LRRC7: variants seen among roughly 807,000 people sequenced by gnomAD.
LRRC7 encodes leucine rich repeat containing 7, also known as leucine-rich repeat-containing protein 7.
In LRRC7, 23 loss-of-function variants were observed where a neutral mutation model predicts 175.7. That is an observed-to-expected ratio of 0.13 (90% CI 0.09 to 0.19). The LOEUF is 0.19. Ranked by LOEUF, LRRC7 falls within the 10% of genes least tolerant of loss-of-function variation. The pLI, the probability that LRRC7 is intolerant of heterozygous loss-of-function variation, is 1.00. For synonymous variants in LRRC7, 685 were observed against 680.9 expected, an observed-to-expected ratio of 1.01 and a Z score of -0.09; for missense variants, 1,354 against 1,904.7, an observed-to-expected ratio of 0.71 and a Z score of 5.38.
intron 7 of LRRC7, among the ~76,000 whole-genome samples, chr1:69,920,643 C>A (rs1646862643): frequency 6.6e-6 from 1 of 152,118 alleles, no homozygotes; most frequent in Non-Finnish European, 1.5e-5. Flanking sequence ...CCTGGGACAT[C>A]AGTGAGAACT....
intron 1 of LRRC7, among the ~76,000 whole-genome samples, chr1:69,604,902 C>T (rs909078778): frequency 6.6e-6 from 1 of 152,108 alleles, no homozygotes. Flanking sequence ...ACTTCATGCA[C>T]GTGTAACAAA....
chr1:70,039,814 T>C, intron 21 of LRRC7, 21 bp downstream of exon 21: 1 of 1,547,604 alleles, frequency 6.5e-7, no homozygotes, highest in Non-Finnish European at 8.7e-7. Flanking sequence ...TGTTTCTCTG[T>C]AAGAATATCC....
At chr1:69,598,401 A>G (rs1322284722) in intron 1 of LRRC7, among the ~76,000 whole-genome samples, 1 of 152,094 alleles carries the variant, frequency 6.6e-6, no homozygotes, top group Non-Finnish European at 1.5e-5. Context: ...CTATCTAGAG[A>G]GAGATTTATT....
chr1:69,754,938 G>T (rs752980948), intron 2 of LRRC7, among the ~76,000 whole-genome samples: 1 of 151,938 alleles, frequency 6.6e-6, no homozygotes, highest in Non-Finnish European at 1.5e-5. Flanking sequence ...GAAAAAAAGG[G>T]TACAATTAGA....
chr1:70,016,421 T>A, intron 13 of LRRC7, 44 bp from the exon 14 acceptor site: 1 of 1,339,052 alleles, frequency 7.5e-7, no homozygotes, highest in African/African-American at 1.5e-5. Flanking sequence ...AATGAACTAT[T>A]ATCCATCTTT....
At chr1:69,589,961 C>T (rs1194869666) in intron 1 of LRRC7, among the ~76,000 whole-genome samples, 1 of 152,130 alleles carries the variant, frequency 6.6e-6, no homozygotes, top group African/African-American at 2.4e-5. Context: ...ACATTAAACA[C>T]TCTATTTTGA....
In LRRC7 at chr1:70,135,779, T is replaced by C. The variant is rs577202165; in HGVS notation, c.*13892T>C. Among the ~76,000 whole-genome samples the C allele has an allele frequency of 6.6e-6, 1 of 152,348 alleles. No individual in the cohort carries two copies. Among genetic ancestry groups the C allele is most frequent in the African/African-American group, 2.4e-5 (1 of 41,580 alleles). ...CTATTCTTGCCCTGTAATATTTGTC[T>C]ATACTGTCTTGATTGTTTTAAACCA... On this transcript the variant is annotated 3_prime_UTR_variant, in exon 27 of 27. Transcript: ENST00000651989.
intron 2 of LRRC7, among the ~76,000 whole-genome samples, chr1:69,752,121 G>C (rs899580067): frequency 4.6e-5 from 7 of 152,112 alleles, no homozygotes; most frequent in African/African-American, 1.7e-4. Flanking sequence ...CCCCTTTGGA[G>C]TACCAGAATC....
chr1:69,936,397 C>G (rs1648028552), intron 8 of LRRC7, among the ~76,000 whole-genome samples: 2 of 152,238 alleles, frequency 1.3e-5, no homozygotes, highest in South Asian at 4.1e-4. Context: ...TGACATACAT[C>G]TTCATTTATT....
intron 1 of LRRC7, among the ~76,000 whole-genome samples, chr1:69,577,600 C>A (rs1646007891): frequency 1.3e-5 from 2 of 152,096 alleles, no homozygotes; most frequent in Non-Finnish European, 2.9e-5. Context: ...CTACATATGG[C>A]TAGCCAGTTT....
chr1:69,815,763 T>C (rs1678511719), intron 4 of LRRC7, among the ~76,000 whole-genome samples: 1 of 152,124 alleles, frequency 6.6e-6, no homozygotes, highest in African/African-American at 2.4e-5. Context: ...CTCACAGTTC[T>C]GGAGGCTGGG....
At chr1:69,589,600 G>A (rs1291847215) in intron 1 of LRRC7, among the ~76,000 whole-genome samples, 3 of 152,138 alleles carry the variant, frequency 2.0e-5, no homozygotes, top group Non-Finnish European at 2.9e-5. Context: ...TTTGGGAAGA[G>A]AAGCACAAAC....
At position 70,142,214 on chromosome 1, in the gene LRRC7, C is replaced by CTCT. The variant is rs1374293987; in HGVS notation, c.*20329_*20331dup. ...ACTTGTAGTCTTTCCACTCAGAGGA[C>CTCT]TCTTATTTGGCTTGAATGTGGAAAA... is the stretch of plus-strand genomic sequence containing the variant. On this transcript the variant is annotated 3_prime_UTR_variant, in exon 27 of 27. Coordinates refer to ENST00000651989, the MANE Select transcript of LRRC7 (RefSeq NM_001370785.2). The CTCT allele has an allele frequency of 6.6e-6, 1 of 152,052 alleles. No homozygotes were observed. The highest frequency in any genetic ancestry group is 1.9e-4 in the East Asian group (1 of 5,196). 9.4% of individuals were successfully genotyped at this position (152,052 alleles called of 1,614,324 possible). A position where few individuals can be genotyped will look rare whatever the true frequency, so the allele number is the denominator to read the frequency against.
chr1:70,136,057 G>C lies in LRRC7; in HGVS notation c.*14170G>C, dbSNP rs1311362199. On this transcript the variant is annotated 3_prime_UTR_variant, in exon 27 of 27. Coordinates refer to ENST00000651989, the MANE Select transcript of LRRC7 (RefSeq NM_001370785.2). ...GGAATTAATATCTCTCTCTCTCTGT[G>C]TGTGTCTGTGTGTGTGTCTGTGTGT... Among the ~76,000 whole-genome samples, 3 of 90,026 alleles carry C rather than the reference G, an allele frequency of 3.3e-5. No individual in the cohort carries two copies. Among genetic ancestry groups the C allele is most frequent in the South Asian group, 9.9e-4 (2 of 2,014 alleles). The allele number at this position is 90,026 out of a possible 152,430, so 59.1% of individuals were successfully genotyped here. A position where few individuals can be genotyped will look rare whatever the true frequency, so the allele number is the denominator to read the frequency against.
rs1005137587 is a variant in LRRC7, at chr1:70,140,969, T to C, written c.*19082T>C. Among the ~76,000 whole-genome samples, 1 of 152,030 alleles carries C rather than the reference T, an allele frequency of 6.6e-6. No homozygotes were observed. Among genetic ancestry groups the C allele is most frequent in the Non-Finnish European group, 1.5e-5 (1 of 67,966 alleles). On this transcript the variant is annotated 3_prime_UTR_variant, in exon 27 of 27. Transcript: ENST00000651989. Reference sequence around the variant, plus strand: ...AACTTTCCTCAGTTCGCAACTGAGGTGTAGCCCAGGGAATAAGTATGTCCT... The same window carrying C: ...AACTTTCCTCAGTTCGCAACTGAGGCGTAGCCCAGGGAATAAGTATGTCCT...
intron 4 of LRRC7, among the ~76,000 whole-genome samples, chr1:69,812,230 T>A (rs956972389): frequency 2.0e-4 from 31 of 152,154 alleles, no homozygotes; most frequent in Admixed American, 1.6e-3. Context: ...TCGCCAGTCT[T>A]GTGTAGCTAA....
At chr1:69,875,209 C>G (rs1456526294) in intron 7 of LRRC7, among the ~76,000 whole-genome samples, 1 of 151,918 alleles carries the variant, frequency 6.6e-6, no homozygotes, top group Non-Finnish European at 1.5e-5. Context: ...TTATGATGTT[C>G]TAAGGAAGAA....
At chr1:69,730,852 A>G (rs893738671) in intron 2 of LRRC7, among the ~76,000 whole-genome samples, 3 of 152,160 alleles carry the variant, frequency 2.0e-5, no homozygotes, top group Admixed American at 1.3e-4. Context: ...GAGACTAGGT[A>G]ATTTATAAAG....
chr1:70,020,816 G>C (rs1033594534), intron 15 of LRRC7, 189 bp from the exon 16 acceptor site: 8 of 378,850 alleles, frequency 2.1e-5, no homozygotes, highest in Admixed American at 1.4e-4. Flanking sequence ...GATTACAAAA[G>C]ACCATGTAAT....
Sources: allele counts gnomAD v4.1 joint callset (sites outside exome capture counted in the v4.1 genomes callset), GRCh38; gene constraint gnomAD v4.1.1; transcripts MANE v1.5; gene names NCBI Gene and HGNC (gene_info 2026-07-23, HGNC 2026-07-21).